The following STON2 variants were observed in gnomAD, a reference collection of about 807,000 sequenced individuals.
STON2 encodes stonin-2.
In STON2, 29 loss-of-function variants were observed where a neutral mutation model predicts 65.7. That is an observed-to-expected ratio of 0.44 (90% CI 0.33 to 0.60). The LOEUF (loss-of-function observed/expected upper bound fraction) is 0.60, where lower values mean the gene tolerates loss of function less well. Among genes scored for constraint, STON2 ranks in the 20% least tolerant of loss-of-function variants. STON2 has a pLI of 0.03. For missense variants in STON2, 1,054 were observed against 1,118.1 expected (o/e 0.94, Z 0.82); for synonymous variants, 404 against 414.2 (o/e 0.98, Z 0.30).
At chr14:81,303,129 T>C (rs1219036757) in intron 5 of STON2, among the ~76,000 whole-genome samples, 3 of 151,626 alleles carry the variant, frequency 2.0e-5, no homozygotes, top group Non-Finnish European at 2.9e-5. Context: ...TAAGAAAATG[T>C]GTATTGGGTG....
chr14:81,386,010 G>A (rs1164914633), intron 3 of STON2, among the ~76,000 whole-genome samples: 2 of 152,132 alleles, frequency 1.3e-5, no homozygotes, highest in Admixed American at 6.5e-5. Flanking sequence ...CAGGGCAGAG[G>A]GAACAGCCAG....
Position 81,266,911 on chromosome 14 carries a change from T to C in STON2, c.*1503A>G. ...CCCAGAATATAGGGTTTCTCATTAA[T>C]GCCTATTCAATCATCATTTTACTTT... On this transcript the variant is annotated 3_prime_UTR_variant, in exon 8 of 8. Coordinates refer to ENST00000614646, the MANE Select transcript of STON2 (RefSeq NM_001394390.1). 1 of 982,872 alleles carries C rather than the reference T, an allele frequency of 1.0e-6. No individual in the cohort carries two copies. The highest frequency in any genetic ancestry group is 1.2e-6 in the Non-Finnish European group (1 of 827,572). The allele number at this position is 982,872 out of a possible 1,614,324, so 60.9% of individuals were successfully genotyped here. A position where few individuals can be genotyped will look rare whatever the true frequency, so the allele number is the denominator to read the frequency against.
At chr14:81,425,329 A>C (rs1281741095) in intron 2 of STON2, among the ~76,000 whole-genome samples, 1 of 152,176 alleles carries the variant, frequency 6.6e-6, no homozygotes, top group East Asian at 1.9e-4. Context: ...CACCACTTTA[A>C]GAGGCTGAGG....
intron 5 of STON2, among the ~76,000 whole-genome samples, chr14:81,307,034 G>A (rs545725464): frequency 3.8e-4 from 58 of 152,178 alleles, no homozygotes; most frequent in Admixed American, 2.2e-3. Flanking sequence ...GCATGGGGAG[G>A]TGCACACCTA....
chr14:81,324,912 G>A (rs558361539), intron 4 of STON2, among the ~76,000 whole-genome samples: 9 of 152,288 alleles, frequency 5.9e-5, no homozygotes, highest in Admixed American at 1.3e-4. Context: ...AGCGGAGGGC[G>A]ACGGAACAGG....
chr14:81,264,993 T>A lies in STON2; in HGVS notation c.*3421A>T. 1 of 983,428 alleles carries A rather than the reference T, an allele frequency of 1.0e-6. No homozygotes were observed. The allele number at this position is 983,428 out of a possible 1,614,324, so 60.9% of individuals were successfully genotyped here. ...GATACCACGTGATATCTAATTTATG[T>A]TCTAAGAGTAATACTATGTACTGGT... On this transcript the variant is annotated 3_prime_UTR_variant, in exon 8 of 8. Coordinates refer to ENST00000614646, the MANE Select transcript of STON2 (RefSeq NM_001394390.1).
At chr14:81,283,591 C>A (rs535698887) in intron 5 of STON2, among the ~76,000 whole-genome samples, 1 of 141,460 alleles carries the variant, frequency 7.1e-6, no homozygotes, top group South Asian at 2.2e-4. Context: ...AATGCAGTGG[C>A]GCTATCTCGG....
At chr14:81,408,136 A>C (rs1403439447) in intron 2 of STON2, among the ~76,000 whole-genome samples, 2 of 149,002 alleles carry the variant, frequency 1.3e-5, no homozygotes, top group African/African-American at 5.0e-5. Context: ...TTCACTGAAG[A>C]ACACACACAC....
At chr14:81,317,238 A>G (rs1272271675) in intron 5 of STON2, among the ~76,000 whole-genome samples, 2 of 152,104 alleles carry the variant, frequency 1.3e-5, no homozygotes, top group East Asian at 3.9e-4. Flanking sequence ...AAATAGAGGG[A>G]GCACACGCTC....
At chr14:81,299,586 A>G (rs1432535374) in intron 5 of STON2, among the ~76,000 whole-genome samples, 1 of 152,224 alleles carries the variant, frequency 6.6e-6, no homozygotes, top group Non-Finnish European at 1.5e-5. Context: ...TTCCTTTATC[A>G]ACCTTCTTAA....
At chr14:81,416,482 G>C (rs1901440721) in intron 2 of STON2, among the ~76,000 whole-genome samples, 1 of 152,214 alleles carries the variant, frequency 6.6e-6, no homozygotes, top group African/African-American at 2.4e-5. Flanking sequence ...TGAGTAGTGA[G>C]AGAAGGTACC....
At chr14:81,342,496 G>A (rs2140296153) in intron 4 of STON2, among the ~76,000 whole-genome samples, 1 of 152,250 alleles carries the variant, frequency 6.6e-6, no homozygotes, top group East Asian at 1.9e-4. Context: ...CACAGTGCAG[G>A]GCAAGGTAGC....
rs144064893 is a variant in STON2 at position 81,350,827 on chromosome 14, G to A, written c.571+20161C>T. On this transcript the variant is annotated intron_variant, in intron 4 of 7. Coordinates refer to ENST00000614646, the MANE Select transcript of STON2 (RefSeq NM_001394390.1). The stretch of plus-strand genomic sequence containing the variant: ...GGGGTACTCTGTACCAGCCACCATG[G>A]CTTGAGCACTTGATGTCCACTGATA... 8.7e-4 allele frequency among the ~76,000 whole-genome samples: 133 copies of A among 152,246 alleles called. 1 individual carries two copies. Among genetic ancestry groups the A allele is most frequent in the African/African-American group, 3.1e-3 (130 of 41,558 alleles).
intron 5 of STON2, among the ~76,000 whole-genome samples, chr14:81,311,252 G>C (rs1006612311): frequency 6.6e-6 from 1 of 152,062 alleles, no homozygotes; most frequent in African/African-American, 2.4e-5. Context: ...GAAGAGTATG[G>C]GAATAGGTCT....
intron 5 of STON2, among the ~76,000 whole-genome samples, chr14:81,293,734 G>A (rs975801849): frequency 2.0e-5 from 3 of 152,124 alleles, no homozygotes; most frequent in African/African-American, 7.2e-5. Flanking sequence ...GACCCTTCCA[G>A]GGGATGAATG....
chr14:81,415,864 A>G (rs1328818362), intron 2 of STON2, among the ~76,000 whole-genome samples: 2 of 152,166 alleles, frequency 1.3e-5, no homozygotes, highest in South Asian at 2.1e-4. Context: ...TCAGTTTTTA[A>G]TATTCTGAGA....
chr14:81,280,760 C>T (rs547456209), intron 5 of STON2, among the ~76,000 whole-genome samples: 1 of 152,254 alleles, frequency 6.6e-6, no homozygotes, highest in Admixed American at 6.5e-5. Context: ...CCTGTAATCG[C>T]AGCACTTTGG....
In STON2 at chr14:81,264,232, A is replaced by T. The variant is rs1166173568; in HGVS notation, c.*4182T>A. On this transcript the variant is annotated 3_prime_UTR_variant, in exon 8 of 8. Transcript: ENST00000614646. Reference sequence around the variant, plus strand: ...TACATTGTAGTTCAAATTCAGCAGCATATTAAGTGCCTAAATGCTGACAGG... The same window carrying T: ...TACATTGTAGTTCAAATTCAGCAGCTTATTAAGTGCCTAAATGCTGACAGG... The T allele has an allele frequency of 1.0e-6, 1 of 985,356 alleles. No individual in the cohort carries two copies. The highest frequency in any genetic ancestry group is 6.1e-5 in the Admixed American group (1 of 16,266). The allele number at this position is 985,356 out of a possible 1,614,324, so 61.0% of individuals were successfully genotyped here.
At chr14:81,336,628 TG>T (rs1897381434) in intron 4 of STON2, among the ~76,000 whole-genome samples, 1 of 151,836 alleles carries the variant, frequency 6.6e-6, no homozygotes, top group African/African-American at 2.4e-5. Flanking sequence ...AAAGTCACCA[TG>T]GGGAAAGGAG....
Sources: allele counts gnomAD v4.1 joint callset (sites outside exome capture counted in the v4.1 genomes callset), GRCh38; gene constraint gnomAD v4.1.1; transcripts MANE v1.5; gene names NCBI Gene and HGNC (gene_info 2026-07-23, HGNC 2026-07-21).